RBFOX1: variants seen among roughly 807,000 people sequenced by gnomAD.
The protein encoded by RBFOX1 is RNA binding fox-1 homolog 1.
In RBFOX1, 8 loss-of-function variants were observed where a neutral mutation model predicts 57.7. That is an observed-to-expected ratio of 0.14 (90% CI 0.08 to 0.25). The LOEUF (loss-of-function observed/expected upper bound fraction) is 0.25. Ranked by LOEUF, RBFOX1 falls within the 10% of genes least tolerant of loss-of-function variation. The pLI is 1.00. For missense variants in RBFOX1, 611 were observed against 548.5 expected, an observed-to-expected ratio of 1.11 and a Z score of -1.14; for synonymous variants, 326 against 222.4, an observed-to-expected ratio of 1.47 and a Z score of -4.15.
At chr16:6,298,922 A>C (rs2152738729) in intron 1 of RBFOX1, among the ~76,000 whole-genome samples, 1 of 152,314 alleles carries the variant, frequency 6.6e-6, no homozygotes, top group East Asian at 1.9e-4. Flanking sequence ...TGAGAGGTTA[A>C]GAACCCAGAG....
At chr16:6,892,496 C>G (rs12448588) in intron 3 of RBFOX1, among the ~76,000 whole-genome samples, 34,957 of 151,914 alleles carry the variant, frequency 0.23, 4,110 homozygotes, top group East Asian at 0.28. Context: ...ACGGTGAAAC[C>G]CTGATTCTAC....
At chr16:6,933,363 C>T (rs930047485) in intron 3 of RBFOX1, among the ~76,000 whole-genome samples, 10 of 152,206 alleles carry the variant, frequency 6.6e-5, no homozygotes, top group Admixed American at 5.2e-4. Flanking sequence ...CAGCAGTGCA[C>T]AAGGGTTCCA....
At chr16:7,151,116 C>G (rs1307850304) in intron 4 of RBFOX1, among the ~76,000 whole-genome samples, 2 of 152,156 alleles carry the variant, frequency 1.3e-5, no homozygotes, top group Admixed American at 1.3e-4. Flanking sequence ...TATTAAGCTC[C>G]AACCAGCAAT....
In RBFOX1 at chr16:6,689,943, A is replaced by G. The variant is rs555956914; in HGVS notation, c.-16+35293A>G. Among the ~76,000 whole-genome samples the G allele has an allele frequency of 9.2e-5, 14 of 152,330 alleles. No homozygotes were observed. The East Asian group carries it at 2.1e-3, about 23-fold the overall frequency. ...TTGAGAATCAGCAACGAAGAGGTGT[A>G]AGAGTTGACTGTTCCCCAGAGTATA... On this transcript the variant is annotated intron_variant, in intron 3 of 15. Coordinates refer to ENST00000550418, the MANE Select transcript of RBFOX1 (RefSeq NM_018723.4).
At chr16:7,710,516 A>G in intron 15 of RBFOX1, 107 bp from the exon 16 acceptor site, 3 of 1,571,608 alleles carry the variant, frequency 1.9e-6, no homozygotes, top group Non-Finnish European at 2.6e-6. Flanking sequence ...GGGTGCCTCC[A>G]TTTCGGTTGG....
intron 1 of RBFOX1, among the ~76,000 whole-genome samples, chr16:5,264,662 T>C (rs1410820473): frequency 1.3e-5 from 2 of 152,320 alleles, no homozygotes; most frequent in East Asian, 3.9e-4. Context: ...CCTGTCTTCA[T>C]GCATTGCCCT....
intron 4 of RBFOX1, among the ~76,000 whole-genome samples, chr16:7,306,620 C>A (rs2096194656): frequency 6.6e-6 from 1 of 151,624 alleles, no homozygotes; most frequent in African/African-American, 2.4e-5. Context: ...CTCTGAGCTT[C>A]ACTGAATACC....
At chr16:7,662,173 A>T (rs192080631) in intron 12 of RBFOX1, among the ~76,000 whole-genome samples, 1 of 152,322 alleles carries the variant, frequency 6.6e-6, no homozygotes, top group Admixed American at 6.5e-5. Context: ...TTTACAGAAG[A>T]TCAGAGACAG....
intron 14 of RBFOX1, among the ~76,000 whole-genome samples, chr16:7,688,282 A>AGAGAGAGAGAGATT (rs1169049515): frequency 2.0e-5 from 3 of 150,266 alleles, no homozygotes; most frequent in African/African-American, 7.3e-5. Context: ...AGAGAGAGAG[A>AGAGAGAGAGAGATT]GATTCAATAT....
chr16:7,000,596 CTTT>C (rs759103545), intron 3 of RBFOX1, among the ~76,000 whole-genome samples: 3 of 92,592 alleles, frequency 3.2e-5, no homozygotes, highest in Admixed American at 2.9e-4. Context: ...CTTTTTCTTT[CTTT>C]TTTTTTTTTT....
intron 3 of RBFOX1, among the ~76,000 whole-genome samples, chr16:6,722,896 G>A (rs578056366): frequency 3.3e-5 from 5 of 152,312 alleles, no homozygotes; most frequent in South Asian, 4.1e-4. Context: ...CTGGCCCCCC[G>A]TGGGGTAGAG....
chr16:5,407,963 C>T (rs1393012730), intron 1 of RBFOX1, among the ~76,000 whole-genome samples: 1 of 152,226 alleles, frequency 6.6e-6, no homozygotes, highest in Non-Finnish European at 1.5e-5. Context: ...ATTGAACAGC[C>T]TTAGGAAGAT....
At chr16:5,633,040 G>A (rs1696976995) in intron 3 of RBFOX1, among the ~76,000 whole-genome samples, 1 of 149,054 alleles carries the variant, frequency 6.7e-6, no homozygotes, top group South Asian at 2.1e-4. Flanking sequence ...CCAAGTTCAA[G>A]TGATTCTCCT....
intron 5 of RBFOX1, among the ~76,000 whole-genome samples, chr16:7,541,164 A>T (rs929805322): frequency 1.3e-5 from 2 of 152,218 alleles, no homozygotes; most frequent in African/African-American, 2.4e-5. Flanking sequence ...ATTCACTCTA[A>T]TTACTCAGAA....
chr16:7,036,340 G>A (rs577028408), intron 3 of RBFOX1, among the ~76,000 whole-genome samples: 2 of 151,940 alleles, frequency 1.3e-5, no homozygotes, highest in African/African-American at 4.8e-5. Context: ...TCACAATCTT[G>A]GTTTTCTACC....
chr16:6,269,173 A>G (rs1398717906), intron 1 of RBFOX1, among the ~76,000 whole-genome samples: 2 of 152,234 alleles, frequency 1.3e-5, no homozygotes, highest in Non-Finnish European at 2.9e-5. Flanking sequence ...TTTCAAAATT[A>G]TGCTGTATGC....
At chr16:7,563,837 G>C (rs1404537166) in intron 5 of RBFOX1, among the ~76,000 whole-genome samples, 1 of 152,112 alleles carries the variant, frequency 6.6e-6, no homozygotes, top group Non-Finnish European at 1.5e-5. Context: ...GGAGAAGAAA[G>C]AGTGCTTTTT....
At chr16:6,778,361 C>T (rs1203098749) in intron 3 of RBFOX1, among the ~76,000 whole-genome samples, 1 of 152,128 alleles carries the variant, frequency 6.6e-6, no homozygotes, top group African/African-American at 2.4e-5. Flanking sequence ...AACTCATAGC[C>T]AATCATGTTT....
rs561081705 is a variant in RBFOX1 at position 5,717,633 on chromosome 16, A to T, written c.318+118672A>T. On this transcript the variant is annotated intron_variant, in intron 3 of 19. Transcript: ENST00000641259. ...TTTCCATTCCTCAGTTACTTCACTT[A>T]GAATAACTTAGAATAATGTCCTCCA... 9.2e-5 allele frequency among the ~76,000 whole-genome samples: 14 copies of T among 152,322 alleles called. 1 individual carries two copies. Among genetic ancestry groups the T allele is most frequent in the Admixed American group, 8.5e-4 (13 of 15,302 alleles).
Sources: gnomAD v4.1 joint callset for allele counts (sites outside exome capture counted in the v4.1 genomes callset) on GRCh38, gnomAD v4.1.1 for gene constraint, MANE v1.5 for transcripts, NCBI Gene and HGNC (gene_info 2026-07-23, HGNC 2026-07-21) for gene names.